Variants in SVOPL observed in about 807,000 individuals in gnomAD.
SVOPL encodes putative transporter SVOPL.
In SVOPL, 60 loss-of-function variants were observed where a neutral mutation model predicts 61.0. The observed-to-expected ratio is 0.98, with a 90% confidence interval of 0.80 to 1.22. The LOEUF is 1.22. Among genes scored for constraint, SVOPL ranks in the 50% most tolerant of loss-of-function variants. The pLI, the probability that SVOPL is intolerant of heterozygous loss-of-function variation, is 0.00. For missense variants in SVOPL, 662 were observed against 643.9 expected (o/e 1.03, Z -0.30); for synonymous variants, 279 against 250.0 (o/e 1.12, Z -1.09).
chr7:138,672,904 CAAA>C (rs71179720), intron 3 of SVOPL, among the ~76,000 whole-genome samples: 6 of 103,718 alleles, frequency 5.8e-5, no homozygotes, highest in Admixed American at 1.0e-4. Context: ...GTTTGTCTCT[CAAA>C]AAAAAAAAAA....
At chr7:138,646,181 G>A in intron 8 of SVOPL, 1 of 192,562 alleles carries the variant, frequency 5.2e-6, no homozygotes, top group Non-Finnish European at 1.1e-5. Flanking sequence ...AGTGCTTAGT[G>A]TACTCAATAT....
chr7:138,678,602 C>A, intron 2 of SVOPL, 77 bp from the exon 3 acceptor site: 1 of 1,400,346 alleles, frequency 7.1e-7, no homozygotes, highest in South Asian at 1.3e-5. Flanking sequence ...CTTCAGAAAG[C>A]CAACCCATTA....
intron 14 of SVOPL, among the ~76,000 whole-genome samples, chr7:138,603,307 C>T (rs74608883): frequency 0.058 from 8,864 of 152,212 alleles, 302 homozygotes; most frequent in Middle Eastern, 0.095. Context: ...GTAAAGAAAC[C>T]TATGGTAAAT....
chr7:138,651,256 A>C (rs528324417), intron 7 of SVOPL, among the ~76,000 whole-genome samples: 39 of 152,292 alleles, frequency 2.6e-4, no homozygotes, highest in African/African-American at 8.9e-4. Flanking sequence ...ACCGGTCATC[A>C]GACTATTTGG....
intron 13 of SVOPL, among the ~76,000 whole-genome samples, chr7:138,624,164 T>C: frequency 6.6e-6 from 1 of 152,214 alleles, no homozygotes; most frequent in East Asian, 1.9e-4. Flanking sequence ...TTCCTTCCAC[T>C]GTCCATCAAG....
At chr7:138,601,723 CT>C (rs1798533566) in intron 14 of SVOPL, among the ~76,000 whole-genome samples, 1 of 151,700 alleles carries the variant, frequency 6.6e-6, no homozygotes, top group Non-Finnish European at 1.5e-5. Flanking sequence ...TGGTCATCCA[CT>C]TTTAAATGTA....
intron 1 of SVOPL, 40 bp from the exon 2 acceptor site, chr7:138,679,119 T>C (rs987844732): frequency 7.2e-7 from 1 of 1,385,410 alleles, no homozygotes; most frequent in East Asian, 2.5e-5. Flanking sequence ...AGAAATATAA[T>C]GGTTATTGGA....
At chr7:138,678,837 T>G in intron 2 of SVOPL, 127 bp downstream of exon 2, 1 of 957,768 alleles carries the variant, frequency 1.0e-6, no homozygotes, top group Non-Finnish European at 1.5e-6. Context: ...CCCAAAGTGA[T>G]GGGATTACAG....
At chr7:138,641,044 A>C (rs142759063) in intron 9 of SVOPL, among the ~76,000 whole-genome samples, 16 of 152,092 alleles carry the variant, frequency 1.1e-4, no homozygotes, top group African/African-American at 3.9e-4. Flanking sequence ...GTTTACAAGA[A>C]ATTTAAAAAT....
chr7:138,629,747 T>G (rs1563102897), intron 10 of SVOPL, among the ~76,000 whole-genome samples: 1 of 152,128 alleles, frequency 6.6e-6, no homozygotes, highest in Admixed American at 6.5e-5. Flanking sequence ...AAAGGACCAG[T>G]TTCTGTCATG....
chr7:138,609,224 A>T (rs571087734), intron 14 of SVOPL, among the ~76,000 whole-genome samples: 1 of 152,342 alleles, frequency 6.6e-6, no homozygotes, highest in African/African-American at 2.4e-5. Context: ...CAAGGCTCTC[A>T]GGCACTGGGA....
chr7:138,615,886 A>T (rs902351975), intron 14 of SVOPL, among the ~76,000 whole-genome samples: 2 of 151,302 alleles, frequency 1.3e-5, no homozygotes, highest in African/African-American at 4.9e-5. Flanking sequence ...ACCAGAAAAA[A>T]CTCTTTCCCC....
At chr7:138,691,610 G>T (rs191206477) in intron 1 of SVOPL, among the ~76,000 whole-genome samples, 2 of 152,060 alleles carry the variant, frequency 1.3e-5, no homozygotes, top group Non-Finnish European at 2.9e-5. Context: ...GCGTGATCTC[G>T]GCTCACTGCA....
intron 9 of SVOPL, among the ~76,000 whole-genome samples, chr7:138,636,772 A>AT (rs1800490116): frequency 6.6e-6 from 1 of 151,932 alleles, no homozygotes; most frequent in Non-Finnish European, 1.5e-5. Flanking sequence ...CACCCGGCGG[A>AT]TTTTATTTTA....
chr7:138,597,261 G>C lies in SVOPL; in HGVS notation c.1354-731C>G, dbSNP rs116080163. 7.1e-4 allele frequency: 906 copies of C among 1,271,134 alleles called. 10 individuals are homozygous for C. The South Asian group carries it at 7.2e-3, about 10-fold the overall frequency. 78.7% of individuals were successfully genotyped at this position (1,271,134 alleles called of 1,614,324 possible). A position where few individuals can be genotyped will look rare whatever the true frequency, so the allele number is the denominator to read the frequency against. On this transcript the variant is annotated intron_variant, in intron 14 of 15. Coordinates refer to ENST00000674285, the MANE Select transcript of SVOPL (RefSeq NM_001139456.2). ...AACAGCAAAGCTCTCTAGAATCACA[G>C]AATAATGTATTATAATTTAGAAAGA...
chr7:138,695,622 G>C (rs763826439), intron 1 of SVOPL, among the ~76,000 whole-genome samples: 34 of 152,234 alleles, frequency 2.2e-4, no homozygotes, highest in Non-Finnish European at 4.6e-4. Context: ...TGAGACCTGG[G>C]GGGGCTTCTG....
rs1434163214 is a variant in SVOPL, at chr7:138,649,030, G to A, written c.642C>T (p.Ile214=). 1 of 1,613,868 alleles carries A rather than the reference G, an allele frequency of 6.2e-7. No homozygotes were observed. The highest frequency in any genetic ancestry group is 1.3e-5 in the African/African-American group (1 of 74,974). Residue 214 remains isoleucine (I), a synonymous_variant, in exon 8 of 16, where the codon ATC becomes ATT. Transcript: ENST00000674285. ...LIRVASIPGI[I]LIVAFKFIPE... is the part of the protein sequence containing the mutation. ...TCCCCACCTTGAAGGCCACGATGAGGATGATGCCCGGGATGGAGGCGACGC... is the reference window on the plus strand; with the variant it reads ...TCCCCACCTTGAAGGCCACGATGAGAATGATGCCCGGGATGGAGGCGACGC...
intron 4 of SVOPL, among the ~76,000 whole-genome samples, chr7:138,671,522 A>AT (rs781186252): frequency 3.9e-5 from 6 of 152,010 alleles, no homozygotes; most frequent in Admixed American, 3.9e-4. Context: ...TAATTTTTGT[A>AT]TTTTTAGTAG....
intron 14 of SVOPL, chr7:138,597,010 T>C (rs1798306980): frequency 1.7e-6 from 2 of 1,148,576 alleles, no homozygotes; most frequent in South Asian, 3.9e-5. Context: ...ATTGCTAATG[T>C]GTCTTGTCTC....
Sources: allele counts gnomAD v4.1 joint callset (sites outside exome capture counted in the v4.1 genomes callset), GRCh38; gene constraint gnomAD v4.1.1; transcripts MANE v1.5; gene names NCBI Gene and HGNC (gene_info 2026-07-23, HGNC 2026-07-21).